SH3TC2: variants seen among roughly 807,000 people sequenced by gnomAD.
SH3TC2 encodes SH3 domain and tetratricopeptide repeat-containing protein 2.
A neutral mutation model predicts 124.5 loss-of-function variants in SH3TC2; 87 were observed. That is an observed-to-expected ratio of 0.70 (90% CI 0.59 to 0.84). The LOEUF (loss-of-function observed/expected upper bound fraction) is 0.84. Among genes scored for constraint, SH3TC2 ranks in the 40% least tolerant of loss-of-function variants. The pLI is 0.00. For missense variants in SH3TC2, 1,536 were observed against 1,566.4 expected (o/e 0.98, Z 0.33); for synonymous variants, 634 against 628.5 (o/e 1.01, Z -0.13).
intron 5 of SH3TC2, among the ~76,000 whole-genome samples, chr5:149,041,953 C>T (rs924628914): frequency 3.3e-5 from 5 of 152,088 alleles, no homozygotes; most frequent in East Asian, 1.9e-4. Context: ...ATTGTTGCAA[C>T]CTCATGATTA....
rs779061678 is a variant in SH3TC2 at position 149,027,855 on chromosome 5, A to G, written c.1877T>C (p.Val626Ala). 24 of 1,613,758 alleles carry G rather than the reference A, an allele frequency of 1.5e-5. No individual in the cohort carries two copies. The highest frequency in any genetic ancestry group is 2.0e-5 in the Non-Finnish European group (24 of 1,180,032). Residue 626 changes from valine to alanine, a missense_variant, in exon 11 of 17, where the codon GTG becomes GCG. Coordinates refer to ENST00000515425, the MANE Select transcript of SH3TC2 (RefSeq NM_024577.4). Reference protein sequence around the residue: ...VAYVLRQGIVVGSSPLEARAC... With the variant: ...VAYVLRQGIVAGSSPLEARAC... ...CCTGGCCTCCAGCGGGCTGCTGCCC[A>G]CCACAATCCCCTGGCGCAGCACGTA...
chr5:149,012,079 G>A lies in SH3TC2; in HGVS notation c.3204+505C>T, dbSNP rs186065048. On this transcript the variant is annotated intron_variant, in intron 13 of 16. Coordinates refer to ENST00000515425, the MANE Select transcript of SH3TC2 (RefSeq NM_024577.4). ...GTCACACAGTCAGTCCATATGTGAT[G>A]GCCCTGGGATTTGACTCTAGGCTTT... Among the ~76,000 whole-genome samples the A allele has an allele frequency of 2.1e-3, 323 of 152,242 alleles. 1 individual carries two copies. The highest frequency in any genetic ancestry group is 3.8e-3 in the Non-Finnish European group (256 of 68,016).
At chr5:149,041,329 G>GC in intron 6 of SH3TC2, 87 bp downstream of exon 6, 2 of 1,357,374 alleles carry the variant, frequency 1.5e-6, no homozygotes, top group African/African-American at 1.4e-5. Context: ...CACTATGGAT[G>GC]CCCATATCTG....
chr5:149,023,770 A>G (rs1754018180), intron 12 of SH3TC2, among the ~76,000 whole-genome samples: 1 of 151,972 alleles, frequency 6.6e-6, no homozygotes. Flanking sequence ...TCTTTGGTAG[A>G]GATGGGGTTT....
At position 149,000,217 on chromosome 5, in the gene SH3TC2, C is replaced by T. The variant is rs566283234; in HGVS notation, c.*4494G>A. ...TTCCTGTCACCCAGCTGAATCCCCA[C>T]TTCCCTGAAATGTGTGCCCAAACCT... On this transcript the variant is annotated 3_prime_UTR_variant, in exon 17 of 17. Transcript: ENST00000515425. Among the ~76,000 whole-genome samples, 4 of 152,326 alleles carry T rather than the reference C, an allele frequency of 2.6e-5. No individual in the cohort carries two copies. The highest frequency in any genetic ancestry group is 4.1e-4 in the South Asian group (2 of 4,826).
chr5:149,046,194 G>A (rs910164072), intron 3 of SH3TC2: 1 of 157,172 alleles, frequency 6.4e-6, no homozygotes, highest in Non-Finnish European at 1.4e-5. Flanking sequence ...TCAGAACTCT[G>A]GGGTTCCTTC....
chr5:149,025,287 G>A (rs1554121413), intron 12 of SH3TC2, among the ~76,000 whole-genome samples: 2 of 152,136 alleles, frequency 1.3e-5, no homozygotes, highest in Non-Finnish European at 2.9e-5. Context: ...ACAAGACAGG[G>A]AAAGAATGAG....
chr5:148,997,965 T>C lies in SH3TC2; in HGVS notation c.*6746A>G, dbSNP rs1440858601. ...TCTGGTCTCAAAAAGAAGTAAGATA[T>C]CCATCAAATAATACATAGAAAAGAA... On this transcript the variant is annotated 3_prime_UTR_variant, in exon 17 of 17. Coordinates refer to ENST00000515425, the MANE Select transcript of SH3TC2 (RefSeq NM_024577.4). 1.3e-5 allele frequency among the ~76,000 whole-genome samples: 2 copies of C among 152,196 alleles called. No homozygotes were observed. The highest frequency in any genetic ancestry group is 2.9e-5 in the Non-Finnish European group (2 of 68,030).
chr5:149,004,793 T>C lies in SH3TC2; in HGVS notation c.3785A>G (p.Gln1262Arg). Residue 1262 changes from glutamine (Q) to arginine (R), a missense_variant, in exon 17 of 17, where the codon CAG becomes CGG. Physicochemically the swap from Gln to Arg is conservative, Grantham distance 43. Transcript: ENST00000515425. ...TIRSRLDNICQSPLWHSRPSG... is the reference protein window; with the variant it reads ...TIRSRLDNICRSPLWHSRPSG... ...GGGCCTGCTGTGCCACAGGGGGCTC[T>C]GGCAGATGTTGTCCAGCCTGCTCCT... The C allele has an allele frequency of 6.2e-7, 1 of 1,614,166 alleles. No individual in the cohort carries two copies. The highest frequency in any genetic ancestry group is 8.5e-7 in the Non-Finnish European group (1 of 1,180,022).
In SH3TC2 at chr5:149,031,692, A is replaced by T. The variant is rs769711653; in HGVS notation, c.1002-5T>A. The T allele has an allele frequency of 3.7e-5, 59 of 1,613,876 alleles. No individual in the cohort carries two copies. Among genetic ancestry groups the T allele is most frequent in the Non-Finnish European group, 4.5e-5 (53 of 1,180,024 alleles). On this transcript the variant is annotated splice_region_variant and splice_polypyrimidine_tract_variant and intron_variant, in intron 8 of 16. Coordinates refer to ENST00000515425, the MANE Select transcript of SH3TC2 (RefSeq NM_024577.4). The stretch of plus-strand genomic sequence containing the variant: ...AGAAAGGCAGAGTTCCTGCTCCTGC[A>T]TCGGGGCAAAAAACACAGAGACAGA...
At position 149,052,142 on chromosome 5, in the gene SH3TC2, C is replaced by T. The variant is rs1371987099; in HGVS notation, c.151G>A (p.Asp51Asn). The change falls in exon 2 of 17, where the codon GAC (aspartate) becomes AAC (asparagine). Residue 51 changes from aspartate to asparagine, a missense_variant and splice_region_variant. By Grantham distance (23) the Asp-to-Asn change is conservative. Coordinates refer to ENST00000515425, the MANE Select transcript of SH3TC2 (RefSeq NM_024577.4). ...KCFLPQNINP[D>N]LTLSFCVKSR... The stretch of plus-strand genomic sequence containing the variant: ...GGGCTTGTCTTTGGCATTTGGATAC[C>T]TGGATTAATGTTCTGTGGCAGAAAA... 1 of 1,602,730 alleles carries T rather than the reference C, an allele frequency of 6.2e-7. No individual in the cohort carries two copies. Among genetic ancestry groups the T allele is most frequent in the South Asian group, 1.1e-5 (1 of 90,852 alleles).
rs1753538575 is a variant in SH3TC2, at chr5:148,998,016, T to C, written c.*6695A>G. Among the ~76,000 whole-genome samples the C allele has an allele frequency of 6.6e-6, 1 of 152,198 alleles. No homozygotes were observed. Among genetic ancestry groups the C allele is most frequent in the African/African-American group, 2.4e-5 (1 of 41,450 alleles). On this transcript the variant is annotated 3_prime_UTR_variant, in exon 17 of 17. Coordinates refer to ENST00000515425, the MANE Select transcript of SH3TC2 (RefSeq NM_024577.4). ...CAAAGGCTGGAGCCCTCCTGCACTTTTTTAGAGACCACCCTCCAGGTCAGC... is the reference window on the plus strand; with the variant it reads ...CAAAGGCTGGAGCCCTCCTGCACTTCTTTAGAGACCACCCTCCAGGTCAGC...
chr5:149,039,693 T>C (rs910336847), intron 7 of SH3TC2, among the ~76,000 whole-genome samples: 3 of 152,202 alleles, frequency 2.0e-5, no homozygotes, highest in African/African-American at 7.2e-5. Flanking sequence ...ATTTTACTAA[T>C]GAGGAAGTTG....
Position 149,016,653 on chromosome 5 carries a change from C to T in SH3TC2, c.3054-3919G>A, listed in dbSNP as rs557003676. On this transcript the variant is annotated intron_variant, in intron 12 of 16. Transcript: ENST00000515425. ...AAGAATAAAAGCCAGACGGCTGGCG[C>T]GGTGGCTCATGCCTGTAATCCCAGC... Among the ~76,000 whole-genome samples the T allele has an allele frequency of 1.6e-4, 25 of 152,258 alleles. No homozygotes were observed. In the South Asian group the frequency reaches 5.2e-3, roughly 32 times the overall value.
At chr5:149,017,491 A>C (rs1363468355) in intron 12 of SH3TC2, among the ~76,000 whole-genome samples, 1 of 152,196 alleles carries the variant, frequency 6.6e-6, no homozygotes, top group East Asian at 1.9e-4. Context: ...GGCTGGGACA[A>C]AGTTTTCACT....
intron 13 of SH3TC2, among the ~76,000 whole-genome samples, chr5:149,012,160 A>G (rs1165103985): frequency 6.6e-6 from 1 of 152,200 alleles, no homozygotes; most frequent in African/African-American, 2.4e-5. Context: ...CTCTGATATT[A>G]AAAGTATGCA....
Position 149,010,254 on chromosome 5 carries a change from C to T in SH3TC2, c.3327+16G>A, listed in dbSNP as rs1753761357. 1 of 1,614,144 alleles carries T rather than the reference C, an allele frequency of 6.2e-7. No individual in the cohort carries two copies. Among genetic ancestry groups the T allele is most frequent in the Non-Finnish European group, 8.5e-7 (1 of 1,180,040 alleles). Reference sequence around the variant, plus strand: ...TGCCAGGACCTGTCTCAGCAAACTGCACAGCTTGGACTTACTCGGTAGTAC... The same window carrying T: ...TGCCAGGACCTGTCTCAGCAAACTGTACAGCTTGGACTTACTCGGTAGTAC... On this transcript the variant is annotated intron_variant, in intron 14 of 16. Coordinates refer to ENST00000515425, the MANE Select transcript of SH3TC2 (RefSeq NM_024577.4).
At chr5:149,053,986 T>C (rs250677) in intron 1 of SH3TC2, among the ~76,000 whole-genome samples, 41,912 of 152,058 alleles carry the variant, frequency 0.28, 6,295 homozygotes, top group African/African-American at 0.37. Flanking sequence ...GATAATACAA[T>C]GGGGTGACTG....
chr5:149,044,185 T>C (rs896374010), intron 4 of SH3TC2: 1 of 280,164 alleles, frequency 3.6e-6, no homozygotes, highest in African/African-American at 2.2e-5. Context: ...TCAAGATTAG[T>C]TCCCTATAGT....
Sources: allele counts gnomAD v4.1 joint callset (sites outside exome capture counted in the v4.1 genomes callset), GRCh38; gene constraint gnomAD v4.1.1; transcripts MANE v1.5; gene names NCBI Gene and HGNC (gene_info 2026-07-23, HGNC 2026-07-21).